RFTN1: variants seen among roughly 807,000 people sequenced by gnomAD.
The protein encoded by RFTN1 is raftlin, lipid raft linker 1.
RFTN1 carries 26 observed loss-of-function variants against 46.5 expected under a neutral mutation model. The observed-to-expected ratio is 0.56, with a 90% CI of 0.41 to 0.78. The LOEUF (loss-of-function observed/expected upper bound fraction) is 0.78, where lower values mean the gene tolerates loss of function less well. Among genes scored for constraint, RFTN1 ranks in the 30% least tolerant of loss-of-function variants. The pLI is 0.00. For synonymous variants in RFTN1, 261 were observed against 284.2 expected, an observed-to-expected ratio of 0.92 and a Z score of 0.82; for missense variants, 693 against 718.7, an observed-to-expected ratio of 0.96 and a Z score of 0.41.
chr3:16,496,802 C>A (rs1010033215), intron 1 of RFTN1, among the ~76,000 whole-genome samples: 1 of 152,108 alleles, frequency 6.6e-6, no homozygotes, highest in African/African-American at 2.4e-5. Flanking sequence ...ATTACTCATA[C>A]CAGCCCCATC....
chr3:16,482,640 A>G (rs1290934989), intron 2 of RFTN1: 3 of 1,012,896 alleles, frequency 3.0e-6, no homozygotes, highest in African/African-American at 3.2e-5. Flanking sequence ...TTGTTTCCTC[A>G]TTTGTAAAAT....
intron 2 of RFTN1, among the ~76,000 whole-genome samples, chr3:16,439,243 T>C (rs1307015143): frequency 6.6e-6 from 1 of 152,216 alleles, no homozygotes; most frequent in Non-Finnish European, 1.5e-5. Context: ...ATAGTTCTTA[T>C]GAAGTGACCA....
Position 16,334,548 on chromosome 3 carries a change from C to T in RFTN1, c.1147-7672G>A, listed in dbSNP as rs1025075290. Among the ~76,000 whole-genome samples, 3 of 152,174 alleles carry T rather than the reference C, an allele frequency of 2.0e-5. No individual in the cohort carries two copies. Among genetic ancestry groups the T allele is most frequent in the African/African-American group, 7.2e-5 (3 of 41,446 alleles). On this transcript the variant is annotated intron_variant, in intron 7 of 9. Coordinates refer to ENST00000334133, the MANE Select transcript of RFTN1 (RefSeq NM_015150.2). This position sits in a 1 kb window ranked among gnomAD's most constrained non-coding sequence, Gnocchi z 4.3. Reference sequence around the variant, plus strand: ...TATTTAACATTATGTTTCACCCAGACAACAGCTCAGAGAACTGGGCAATGG... The same window carrying T: ...TATTTAACATTATGTTTCACCCAGATAACAGCTCAGAGAACTGGGCAATGG...
At chr3:16,378,210 G>A in intron 4 of RFTN1, 108 bp from the exon 5 acceptor site, 1 of 878,554 alleles carries the variant, frequency 1.1e-6, no homozygotes, top group Non-Finnish European at 1.8e-6. Context: ...TGTTTCAGGT[G>A]CAGGAGAAGA....
rs1366912535 is a variant in RFTN1 at position 16,424,542 on chromosome 3, G to A, written c.332+9309C>T. 6.6e-6 allele frequency among the ~76,000 whole-genome samples: 1 copy of A among 152,190 alleles called. No individual in the cohort carries two copies. Among genetic ancestry groups the A allele is most frequent in the Non-Finnish European group, 1.5e-5 (1 of 68,030 alleles). On this transcript the variant is annotated intron_variant, in intron 3 of 9. Coordinates refer to ENST00000334133, the MANE Select transcript of RFTN1 (RefSeq NM_015150.2). This position sits in a 1 kb window ranked among gnomAD's most constrained non-coding sequence, Gnocchi z 4.7. ...TCAGACTCTCAGAAACAGGTGTTAT[G>A]TGAATACAAGCTGCTAATTTGGTTT...
chr3:16,342,699 G>A lies in RFTN1; in HGVS notation c.1146+15233C>T, dbSNP rs1230481637. On this transcript the variant is annotated intron_variant, in intron 7 of 9. Transcript: ENST00000334133. This position sits in a 1 kb window ranked among gnomAD's most constrained non-coding sequence, Gnocchi z 4.0. ...TCTCAAGCCTTCTTAAGTCTAATTT[G>A]CCAAGCCTAATTTGCCACTTCACCC... 6.6e-6 allele frequency among the ~76,000 whole-genome samples: 1 copy of A among 152,180 alleles called. No homozygotes were observed. The highest frequency in any genetic ancestry group is 2.1e-4 in the South Asian group (1 of 4,824).
intron 2 of RFTN1, among the ~76,000 whole-genome samples, chr3:16,471,155 A>C (rs1231275914): frequency 6.6e-6 from 1 of 152,254 alleles, no homozygotes; most frequent in Non-Finnish European, 1.5e-5. Flanking sequence ...AGGATTGATC[A>C]AAACCCTATT....
Position 16,322,689 on chromosome 3 carries a change from C to T in RFTN1, c.1332+687G>A, listed in dbSNP as rs560860050. ...GGCACAAGGGTTGCCGACACTTGCA[C>T]CTCGTACAGCCCTTGTGCTCAACCT... On this transcript the variant is annotated intron_variant, in intron 9 of 9. Coordinates refer to ENST00000334133, the MANE Select transcript of RFTN1 (RefSeq NM_015150.2). The surrounding 1 kb of genome is among the most constrained non-coding windows in gnomAD (Gnocchi z 6.2). Among the ~76,000 whole-genome samples the T allele has an allele frequency of 6.6e-6, 1 of 152,310 alleles. No homozygotes were observed. The highest frequency in any genetic ancestry group is 2.1e-4 in the South Asian group (1 of 4,828).
intron 2 of RFTN1, among the ~76,000 whole-genome samples, chr3:16,435,917 AATAT>A (rs10575645): frequency 0.14 from 20,122 of 142,100 alleles, 1,692 homozygotes; most frequent in East Asian, 0.23. Flanking sequence ...CAGAGATGTA[AATAT>A]ATATATATAT....
At chr3:16,363,841 TCCAGGA>T (rs2072982533) in intron 6 of RFTN1, among the ~76,000 whole-genome samples, 1 of 44,238 alleles carries the variant, frequency 2.3e-5, no homozygotes, top group Non-Finnish European at 4.5e-5. Context: ...CCACCTTGAT[TCCAGGA>T]TTCTTGGCAC....
intron 4 of RFTN1, among the ~76,000 whole-genome samples, chr3:16,406,057 A>G (rs1343768438): frequency 6.6e-6 from 1 of 152,210 alleles, no homozygotes; most frequent in Non-Finnish European, 1.5e-5. Context: ...GGTTTTTAGC[A>G]TACTTCTTCC....
chr3:16,487,473 G>C (rs565620422), intron 2 of RFTN1, among the ~76,000 whole-genome samples: 3 of 152,350 alleles, frequency 2.0e-5, no homozygotes, highest in Admixed American at 6.5e-5. Context: ...CTGTCCAATA[G>C]CAGTCACCAG....
intron 4 of RFTN1, among the ~76,000 whole-genome samples, chr3:16,393,948 C>T (rs1172642437): frequency 1.3e-5 from 2 of 152,006 alleles, no homozygotes; most frequent in African/African-American, 2.4e-5. Context: ...TGTGAGCCAC[C>T]GCACCCGGCC....
At position 16,382,970 on chromosome 3, in the gene RFTN1, T is replaced by A. The variant is rs906319601; in HGVS notation, c.442-4868A>T. Among the ~76,000 whole-genome samples the A allele has an allele frequency of 2.6e-5, 4 of 152,108 alleles. No individual in the cohort carries two copies. The highest frequency in any genetic ancestry group is 9.7e-5 in the African/African-American group (4 of 41,416). On this transcript the variant is annotated intron_variant, in intron 4 of 9. Coordinates refer to ENST00000334133, the MANE Select transcript of RFTN1 (RefSeq NM_015150.2). The surrounding 1 kb of genome is among the most constrained non-coding windows in gnomAD (Gnocchi z 4.7). Reference sequence around the variant, plus strand: ...CAGACTCCCACGCATGCCCACAACATCTCTAACAACAGCGATTACAGGAAA... The same window carrying A: ...CAGACTCCCACGCATGCCCACAACAACTCTAACAACAGCGATTACAGGAAA...
intron 2 of RFTN1, chr3:16,482,850 T>C: frequency 6.5e-7 from 1 of 1,535,710 alleles, no homozygotes; most frequent in Non-Finnish European, 8.7e-7. Context: ...GCCATGAAGA[T>C]GAAGGACTGT....
intron 1 of RFTN1, among the ~76,000 whole-genome samples, chr3:16,508,696 GCA>G (rs3029330): frequency 0.14 from 9,150 of 65,332 alleles, 855 homozygotes; most frequent in African/African-American, 0.39. Flanking sequence ...TCACACGCAC[GCA>G]CACACACACA....
intron 2 of RFTN1, among the ~76,000 whole-genome samples, chr3:16,487,705 G>T (rs1345915269): frequency 6.6e-6 from 1 of 152,194 alleles, no homozygotes; most frequent in Non-Finnish European, 1.5e-5. Flanking sequence ...GGCACCAAAT[G>T]TGCATAAAAC....
Position 16,387,570 on chromosome 3 carries a change from T to TTTTCTC in RFTN1, c.442-9469_442-9468insGAGAAA, listed in dbSNP as rs2074223332. 3.4e-5 allele frequency among the ~76,000 whole-genome samples: 4 copies of TTTTCTC among 116,418 alleles called. No homozygotes were observed. The highest frequency in any genetic ancestry group is 5.2e-5 in the Non-Finnish European group (3 of 58,216). 76.4% of individuals were successfully genotyped at this position (116,418 alleles called of 152,430 possible). On this transcript the variant is annotated intron_variant, in intron 4 of 9. Coordinates refer to ENST00000334133, the MANE Select transcript of RFTN1 (RefSeq NM_015150.2). This position sits in a 1 kb window ranked among gnomAD's most constrained non-coding sequence, Gnocchi z 5.2. ...CACTTCTCTCTTCTATATCCTCAAT[T>TTTTCTC]TCTCTCTCTCTCTCTCTCTCTCTCT...
Position 16,475,414 on chromosome 3 carries a change from A to C in RFTN1, c.145+18311T>G, listed in dbSNP as rs1256266000. Among the ~76,000 whole-genome samples the C allele has an allele frequency of 6.6e-6, 1 of 152,210 alleles. No individual in the cohort carries two copies. The highest frequency in any genetic ancestry group is 1.5e-5 in the Non-Finnish European group (1 of 68,034). ...GAGAGGAATGCTTCCTCCAGGAGAC[A>C]CTGCAATGGTTTTACTGAACTAGAA... On this transcript the variant is annotated intron_variant, in intron 2 of 9. Coordinates refer to ENST00000334133, the MANE Select transcript of RFTN1 (RefSeq NM_015150.2). The surrounding 1 kb of genome is among the most constrained non-coding windows in gnomAD (Gnocchi z 4.2).
Sources: gnomAD v4.1 joint callset for allele counts (sites outside exome capture counted in the v4.1 genomes callset) on GRCh38, gnomAD v4.1.1 for gene constraint, Gnocchi (gnomAD v3.1) non-coding constraint, MANE v1.5 for transcripts, NCBI Gene and HGNC (gene_info 2026-07-23, HGNC 2026-07-21) for gene names.